The following RIC8B variants were observed in gnomAD, a reference collection of about 807,000 sequenced individuals.
RIC8B encodes the protein chaperone Ric-8B.
Under a neutral mutation model 57.5 loss-of-function variants are expected in RIC8B, and 16 were observed. The ratio of observed to expected loss-of-function variants is 0.28; its 90% CI spans 0.19 to 0.42. The LOEUF (loss-of-function observed/expected upper bound fraction) is 0.42, where lower values mean the gene tolerates loss of function less well. RIC8B is among the 10% of genes least tolerant of loss of function. The probability of loss-of-function intolerance (pLI) is 1.00; values close to 1 mark genes in which losing one functional copy is unlikely to be tolerated. For synonymous variants in RIC8B, 216 were observed against 250.8 expected, an observed-to-expected ratio of 0.86 and a Z score of 1.31; for missense variants, 481 against 677.0, an observed-to-expected ratio of 0.71 and a Z score of 3.21.
At chr12:106,814,598 G>A in intron 2 of RIC8B, 98 bp from the exon 3 acceptor site, 1 of 1,257,036 alleles carries the variant, frequency 8.0e-7, no homozygotes, top group East Asian at 2.4e-5. Context: ...TTTCTCTCTG[G>A]ATTTTTAACT....
chr12:106,882,362 C>T (rs1039222341), intron 9 of RIC8B, among the ~76,000 whole-genome samples: 3 of 152,112 alleles, frequency 2.0e-5, no homozygotes, highest in East Asian at 3.9e-4. Flanking sequence ...AGTGACTGGT[C>T]GATCCAGAAT....
intron 1 of RIC8B, 77 bp downstream of exon 1, chr12:106,774,906 C>CTTTCCCTCCCTCCGTCCTGCCTCCA: frequency 9.3e-7 from 1 of 1,078,940 alleles, no homozygotes; most frequent in Non-Finnish European, 1.3e-6. Context: ...CATCCTTCCC[C>CTTTCCCTCCCTCCGTCCTGCCTCCA]ACCCCCCTCA....
intron 3 of RIC8B, chr12:106,822,135 A>C (rs1323086387): frequency 1.3e-5 from 2 of 151,968 alleles, no homozygotes; most frequent in Non-Finnish European, 2.9e-5. Context: ...GGGCTTGAAC[A>C]GGAACTTCAC....
chr12:106,797,654 A>T (rs994795211), intron 2 of RIC8B, among the ~76,000 whole-genome samples: 1 of 152,226 alleles, frequency 6.6e-6, no homozygotes, highest in African/African-American at 2.4e-5. Context: ...CAATATGTGA[A>T]TTATATCTCA....
At chr12:106,860,451 G>A (rs774716011) in intron 8 of RIC8B, 39 bp downstream of exon 8, 23 of 1,382,286 alleles carry the variant, frequency 1.7e-5, no homozygotes, top group Middle Eastern at 3.9e-4. Flanking sequence ...CTATGGCTGT[G>A]CCTTTGAGTT....
At position 106,872,600 on chromosome 12, in the gene RIC8B, G is replaced by A. The variant is rs111973446; in HGVS notation, c.1571+1658G>A. Among the ~76,000 whole-genome samples, 125 of 151,578 alleles carry A rather than the reference G, an allele frequency of 8.2e-4. 1 individual carries two copies. The highest frequency in any genetic ancestry group is 2.5e-3 in the East Asian group (13 of 5,136). Reference sequence around the variant, plus strand: ...GGAGAATCGCTTGAACCTGGGAGGCGGAGGTTGCGGTGAACCAAGGTCGCA... The same window carrying A: ...GGAGAATCGCTTGAACCTGGGAGGCAGAGGTTGCGGTGAACCAAGGTCGCA... On this transcript the variant is annotated intron_variant, in intron 9 of 9. Coordinates refer to ENST00000392837, the MANE Select transcript of RIC8B (RefSeq NM_001330145.2).
intron 7 of RIC8B, among the ~76,000 whole-genome samples, chr12:106,855,370 A>G (rs1053326160): frequency 4.6e-5 from 7 of 152,154 alleles, no homozygotes; most frequent in Admixed American, 3.3e-4. Flanking sequence ...AACTCGCCCT[A>G]TGTGCTTTCC....
At position 106,821,807 on chromosome 12, in the gene RIC8B, G is replaced by A. The variant is rs533302570; in HGVS notation, c.742-3919G>A. 5.3e-5 allele frequency among the ~76,000 whole-genome samples: 8 copies of A among 151,588 alleles called. No homozygotes were observed. In the South Asian group the frequency reaches 1.0e-3, roughly 20 times the overall value. ...AAATAAGCAAAGGGCGTTCAGGTGCGGTGGCTCACGCCTGTAATCCCAGCA... is the reference window on the plus strand; with the variant it reads ...AAATAAGCAAAGGGCGTTCAGGTGCAGTGGCTCACGCCTGTAATCCCAGCA... On this transcript the variant is annotated intron_variant, in intron 3 of 9. Transcript: ENST00000392837.
At chr12:106,816,886 T>A (rs548237791) in intron 3 of RIC8B, among the ~76,000 whole-genome samples, 3 of 152,310 alleles carry the variant, frequency 2.0e-5, no homozygotes, top group South Asian at 4.1e-4. Flanking sequence ...TATAGAATAT[T>A]TATTCTTCAA....
At chr12:106,787,667 A>G (rs957625972) in intron 2 of RIC8B, among the ~76,000 whole-genome samples, 1 of 152,110 alleles carries the variant, frequency 6.6e-6, no homozygotes, top group African/African-American at 2.4e-5. Flanking sequence ...AGGAAGATGC[A>G]AAAGTGGAAA....
intron 4 of RIC8B, among the ~76,000 whole-genome samples, chr12:106,838,107 A>G (rs1000214623): frequency 6.6e-6 from 1 of 152,230 alleles, no homozygotes; most frequent in Non-Finnish European, 1.5e-5. Flanking sequence ...TTTGTCATCA[A>G]AACAGTTTTT....
chr12:106,817,772 C>T (rs1250928597), intron 3 of RIC8B, among the ~76,000 whole-genome samples: 1 of 145,024 alleles, frequency 6.9e-6, no homozygotes, highest in African/African-American at 2.6e-5. Context: ...TTGCAGTAAG[C>T]GGAGATCGCG....
chr12:106,842,522 T>A (rs946703524), intron 4 of RIC8B, 67 bp from the exon 5 acceptor site: 1 of 1,289,752 alleles, frequency 7.8e-7, no homozygotes, highest in East Asian at 2.3e-5. Context: ...GAACTTCTTA[T>A]TATGTTTGCA....
chr12:106,844,099 T>G (rs80301555), intron 6 of RIC8B, 152 bp downstream of exon 6: 50,479 of 648,362 alleles, frequency 0.078, 2,661 homozygotes, highest in Middle Eastern at 0.11. Flanking sequence ...GAAGTGTGTA[T>G]TTTTTGAGTC....
rs1244210727 is a variant in RIC8B at position 106,774,757 on chromosome 12, G to T, written c.12G>T (p.Glu4Asp). 10 of 1,550,854 alleles carry T rather than the reference G, an allele frequency of 6.4e-6. No individual in the cohort carries two copies. Among genetic ancestry groups the T allele is most frequent in the South Asian group, 1.2e-5 (1 of 84,014 alleles). Residue 4 changes from glutamate (E) to aspartate (D), a missense_variant, in exon 1 of 10, where the codon GAG (glutamate) becomes GAT (aspartate). By Grantham distance (45) the Glu-to-Asp change is conservative. Coordinates refer to ENST00000392837, the MANE Select transcript of RIC8B (RefSeq NM_001330145.2). Reference sequence around the variant, plus strand: ...CCGCACCTGCGGCCATGGATGAGGAGCGCGCCCTCTACATCGTCCGGGCCG... The same window carrying T: ...CCGCACCTGCGGCCATGGATGAGGATCGCGCCCTCTACATCGTCCGGGCCG... The part of the protein sequence containing the change: MDE[E>D]RALYIVRAGE...
In RIC8B at chr12:106,886,582, TTATACTC is replaced by T. The variant is rs1216200428; in HGVS notation, c.*570_*576del. 1 of 152,666 alleles carries T rather than the reference TTATACTC, an allele frequency of 6.6e-6. No individual in the cohort carries two copies. Among genetic ancestry groups the T allele is most frequent in the East Asian group, 1.9e-4 (1 of 5,204 alleles). 9.5% of individuals were successfully genotyped at this position (152,666 alleles called of 1,614,324 possible). ...ACACAGCCTCAGACTTACAAACTGA[TTATACTC>T]TAAAAGTTTGTATGTCAGTTAGCTA... On this transcript the variant is annotated 3_prime_UTR_variant, in exon 10 of 10. Coordinates refer to ENST00000392837, the MANE Select transcript of RIC8B (RefSeq NM_001330145.2).
rs930280301 is a variant in RIC8B, at chr12:106,882,386, C to T, written c.1572-3518C>T. ...TCGATCCAGAATTAGAGCACAGGTC[C>T]GTCTGACTCCAAAACCTATATGTGC... On this transcript the variant is annotated intron_variant, in intron 9 of 9. Transcript: ENST00000392837. 3.3e-5 allele frequency among the ~76,000 whole-genome samples: 5 copies of T among 152,222 alleles called. No homozygotes were observed. The East Asian group carries it at 5.8e-4, about 18-fold the overall frequency.
intron 7 of RIC8B, among the ~76,000 whole-genome samples, chr12:106,858,491 A>G (rs929024244): frequency 6.6e-6 from 1 of 151,998 alleles, no homozygotes; most frequent in Admixed American, 6.6e-5. Flanking sequence ...TACACTGAAC[A>G]CTCATTTCTT....
chr12:106,860,436 C>T, intron 8 of RIC8B, 24 bp downstream of exon 8: 2 of 1,502,922 alleles, frequency 1.3e-6, no homozygotes, highest in Non-Finnish European at 1.8e-6. Flanking sequence ...TTTCTTTTCA[C>T]CTAACTATGG....
Sources: gnomAD v4.1 joint callset for allele counts (sites outside exome capture counted in the v4.1 genomes callset) on GRCh38, gnomAD v4.1.1 for gene constraint, MANE v1.5 for transcripts, NCBI Gene and HGNC (gene_info 2026-07-23, HGNC 2026-07-21) for gene names.